The following GLIS3 variants were observed in gnomAD, a reference collection of about 807,000 sequenced individuals.
GLIS3 encodes the protein zinc finger protein GLIS3.
Under a neutral mutation model 78.6 loss-of-function variants are expected in GLIS3, and 53 were observed. That is an observed-to-expected ratio of 0.67 (90% confidence interval 0.54 to 0.85). The LOEUF is 0.85. Ranked by LOEUF, GLIS3 falls within the 40% of genes least tolerant of loss-of-function variation. GLIS3 has a pLI of 0.00. For synonymous variants in GLIS3, 684 were observed against 509.9 expected, an observed-to-expected ratio of 1.34 and a Z score of -4.60; for missense variants, 1,703 against 1,231.1, an observed-to-expected ratio of 1.38 and a Z score of -5.74.
At chr9:4,359,683 G>T in the GLIS3 span, among the ~76,000 whole-genome samples, 2 of 152,148 alleles carry the variant, frequency 1.3e-5, no homozygotes, top group Non-Finnish European at 2.9e-5. Flanking sequence ...ATTTAAAATG[G>T]TAACATTGCC....
chr9:4,002,135 G>C (rs1175124773), intron 4 of GLIS3, among the ~76,000 whole-genome samples: 2 of 152,188 alleles, frequency 1.3e-5, no homozygotes, highest in Admixed American at 1.3e-4. Context: ...GTCTTTATAA[G>C]ACAAAGATAG....
At chr9:4,021,992 T>G (rs653957) in intron 4 of GLIS3, among the ~76,000 whole-genome samples, 4,550 of 152,256 alleles carry the variant, frequency 0.03, 236 homozygotes, top group African/African-American at 0.1. Flanking sequence ...GTGTGTTTGT[T>G]TGTTTTTAGT....
At chr9:4,436,496 A>G in the GLIS3 span, among the ~76,000 whole-genome samples, 5 of 151,990 alleles carry the variant, frequency 3.3e-5, no homozygotes, top group African/African-American at 1.2e-4. Context: ...ATCCCCATCA[A>G]TGACATCTTA....
At chr9:4,311,588 C>A (rs953551823) in intron 2 of GLIS3, among the ~76,000 whole-genome samples, 2 of 152,132 alleles carry the variant, frequency 1.3e-5, no homozygotes, top group African/African-American at 2.4e-5. Context: ...CAGAATAACT[C>A]CACACTCCCC....
intron 2 of GLIS3, among the ~76,000 whole-genome samples, chr9:4,321,701 G>C (rs541682853): frequency 7.1e-6 from 1 of 141,702 alleles, no homozygotes; most frequent in South Asian, 2.1e-4. Context: ...TGCATTTTGT[G>C]TTTATTTTTA....
chr9:4,087,868 C>T (rs916686262), intron 4 of GLIS3, among the ~76,000 whole-genome samples: 3 of 152,162 alleles, frequency 2.0e-5, no homozygotes, highest in African/African-American at 7.2e-5. Flanking sequence ...TCTCTTTGGC[C>T]CCTCAACACA....
chr9:3,895,247 GT>G (rs1271422684), intron 7 of GLIS3, among the ~76,000 whole-genome samples: 1 of 152,226 alleles, frequency 6.6e-6, no homozygotes, highest in Non-Finnish European at 1.5e-5. Flanking sequence ...CTATGAAATA[GT>G]CCCTCTTAGA....
intron 7 of GLIS3, among the ~76,000 whole-genome samples, chr9:3,886,534 C>T (rs1822084904): frequency 6.6e-6 from 1 of 152,282 alleles, no homozygotes; most frequent in East Asian, 1.9e-4. Flanking sequence ...TTTACACTTT[C>T]AGCACTTCTT....
At chr9:4,407,417 A>G in the GLIS3 span, among the ~76,000 whole-genome samples, 1 of 152,218 alleles carries the variant, frequency 6.6e-6, no homozygotes, top group Admixed American at 6.5e-5. Flanking sequence ...AGGCCGAGGC[A>G]GGTGGATCAC....
intron 2 of GLIS3, among the ~76,000 whole-genome samples, chr9:4,266,267 C>A (rs1360229501): frequency 6.6e-6 from 1 of 151,958 alleles, no homozygotes; most frequent in Admixed American, 6.6e-5. Flanking sequence ...AAATGAGCCA[C>A]CTGGCTCAAG....
At chr9:4,209,902 C>A (rs142088791) in intron 2 of GLIS3, among the ~76,000 whole-genome samples, 1 of 152,100 alleles carries the variant, frequency 6.6e-6, no homozygotes, top group African/African-American at 2.4e-5. Context: ...GCCAAGACTG[C>A]AAAGAGGATC....
At chr9:4,420,050 G>A in the GLIS3 span, among the ~76,000 whole-genome samples, 1 of 152,310 alleles carries the variant, frequency 6.6e-6, no homozygotes, top group East Asian at 1.9e-4. Flanking sequence ...TTAGAGCAAT[G>A]TCCTGAAGCC....
chr9:4,045,057 G>A (rs1019162999), intron 4 of GLIS3, among the ~76,000 whole-genome samples: 1 of 152,170 alleles, frequency 6.6e-6, no homozygotes, highest in African/African-American at 2.4e-5. Flanking sequence ...GGACTAGGGT[G>A]GAAGTCACTC....
chr9:3,858,746 A>G (rs1367972943), intron 8 of GLIS3, among the ~76,000 whole-genome samples: 3 of 152,220 alleles, frequency 2.0e-5, no homozygotes, highest in Admixed American at 2.0e-4. Flanking sequence ...ATACATGTAG[A>G]GAAATAAAAT....
intron 2 of GLIS3, among the ~76,000 whole-genome samples, chr9:4,346,091 C>G (rs1261504339): frequency 6.6e-6 from 1 of 151,848 alleles, no homozygotes; most frequent in Admixed American, 6.6e-5. Context: ...GTTTTAATAG[C>G]TAAAGAATTT....
intron 2 of GLIS3, among the ~76,000 whole-genome samples, chr9:4,176,793 T>C (rs1233036295): frequency 1.3e-5 from 2 of 152,190 alleles, no homozygotes; most frequent in African/African-American, 4.8e-5. Flanking sequence ...CCAGCTCATT[T>C]TTGTATTTTT....
the GLIS3 span, among the ~76,000 whole-genome samples, chr9:4,449,639 T>C: frequency 0.55 from 83,991 of 152,002 alleles, 24,051 homozygotes; most frequent in South Asian, 0.72. Context: ...GATCAGGCAG[T>C]ATTATTTACT....
chr9:4,215,904 G>C (rs959977933), intron 2 of GLIS3, among the ~76,000 whole-genome samples: 1 of 151,940 alleles, frequency 6.6e-6, no homozygotes, highest in Non-Finnish European at 1.5e-5. Context: ...AGCAATATAG[G>C]GAAAGACATT....
chr9:4,251,201 T>G (rs1217165014), intron 2 of GLIS3, among the ~76,000 whole-genome samples: 1 of 152,176 alleles, frequency 6.6e-6, no homozygotes, highest in Non-Finnish European at 1.5e-5. Flanking sequence ...ATATTGGCAG[T>G]GTGCTGTTAT....
Sources: allele counts gnomAD v4.1 joint callset (sites outside exome capture counted in the v4.1 genomes callset), GRCh38; gene constraint gnomAD v4.1.1; transcripts MANE v1.5; gene names NCBI Gene and HGNC (gene_info 2026-07-23, HGNC 2026-07-21).